The following ATRX variants were observed in gnomAD, a reference collection of about 807,000 sequenced individuals.
ATRX encodes the protein ATRX chromatin remodeler, also known as chromatin remodeler ATRX.
In ATRX, 12 loss-of-function variants were observed where a neutral mutation model predicts 172.6. That is an observed-to-expected ratio of 0.07 (90% CI 0.04 to 0.11). ATRX has a LOEUF of 0.11. ATRX is among the 10% of genes least tolerant of loss of function. The pLI, the probability that ATRX is intolerant of heterozygous loss-of-function variation, is 1.00. For missense variants in ATRX, 1,368 were observed against 1,767.4 expected, an observed-to-expected ratio of 0.77 and a Z score of 4.05; for synonymous variants, 674 against 594.7, an observed-to-expected ratio of 1.13 and a Z score of -1.94.
rs1170232589 is a variant in ATRX at position 77,651,217 on chromosome X, CAAAAAAAAAAAAA to C, written c.4557+884_4557+896del. Among the ~76,000 whole-genome samples the C allele has an allele frequency of 1.0e-3, 17 of 16,481 alleles. No individual in the cohort carries two copies. In the South Asian group the frequency reaches 0.042, roughly 40 times the overall value. 14.3% of individuals were successfully genotyped at this position (16,481 alleles called of 115,157 possible). A position where few individuals can be genotyped will look rare whatever the true frequency, so the allele number is the denominator to read the frequency against. ...GGGTGACAAGAGTGAAACTCCATCT[CAAAAAAAAAAAAA>C]AAAAAAAAAAAAAAAAAGATGAAAC... is the stretch of plus-strand genomic sequence containing the variant. On this transcript the variant is annotated intron_variant, in intron 15 of 34. Coordinates refer to ENST00000373344, the MANE Select transcript of ATRX (RefSeq NM_000489.6).
intron 15 of ATRX, among the ~76,000 whole-genome samples, chrX:77,637,380 T>G (rs1314660939): frequency 9.0e-6 from 1 of 110,952 alleles, no homozygotes; most frequent in African/African-American, 3.3e-5. Context: ...TCTCTATCCG[T>G]TACATAGTAT....
At chrX:77,644,477 A>G (rs1366443165) in intron 15 of ATRX, among the ~76,000 whole-genome samples, 1 of 112,203 alleles carries the variant, frequency 8.9e-6, no homozygotes, top group Non-Finnish European at 1.9e-5. Flanking sequence ...ATGCAATTTT[A>G]AAAAATCACA....
intron 28 of ATRX, among the ~76,000 whole-genome samples, chrX:77,564,873 G>A (rs1569523944): frequency 9.0e-6 from 1 of 111,604 alleles, no homozygotes; most frequent in East Asian, 2.8e-4. Context: ...AAAAAATGCA[G>A]CTGAATCCTC....
chrX:77,656,164 G>C (rs948905326), intron 13 of ATRX, among the ~76,000 whole-genome samples: 61 of 111,620 alleles, frequency 5.5e-4, no homozygotes, highest in African/African-American at 2.0e-3. Flanking sequence ...ACAATAGTCA[G>C]TCAAGTATAT....
chrX:77,514,633 T>G (rs2062990859), intron 34 of ATRX, among the ~76,000 whole-genome samples: 1 of 112,299 alleles, frequency 8.9e-6, no homozygotes, highest in Admixed American at 9.4e-5. Flanking sequence ...TACTTAAATG[T>G]AAACCCGAAA....
intron 1 of ATRX, among the ~76,000 whole-genome samples, chrX:77,759,379 A>G (rs2075634022): frequency 9.0e-6 from 1 of 110,829 alleles, no homozygotes; most frequent in Non-Finnish European, 1.9e-5. Context: ...AACAACAACT[A>G]TCCACCAGTA....
chrX:77,657,075 G>C (rs1345597649), intron 12 of ATRX, among the ~76,000 whole-genome samples: 1 of 111,631 alleles, frequency 9.0e-6, no homozygotes, highest in Non-Finnish European at 1.9e-5. Context: ...AACTCGGAAA[G>C]GGAAACAATA....
intron 34 of ATRX, among the ~76,000 whole-genome samples, chrX:77,512,071 G>A (rs2062888408): frequency 8.9e-6 from 1 of 111,763 alleles, no homozygotes; most frequent in South Asian, 3.7e-4. Flanking sequence ...TATACTAAAT[G>A]CAGCAAGAGA....
chrX:77,583,397 G>A (rs1557075144), intron 27 of ATRX, among the ~76,000 whole-genome samples: 1 of 110,664 alleles, frequency 9.0e-6, no homozygotes, highest in Non-Finnish European at 1.9e-5. Context: ...GGTGGCACAC[G>A]CCTGTAATCC....
intron 30 of ATRX, among the ~76,000 whole-genome samples, chrX:77,551,487 A>G (rs1246467238): frequency 8.9e-6 from 1 of 112,354 alleles, no homozygotes; most frequent in African/African-American, 3.2e-5. Flanking sequence ...TTAAAGACTT[A>G]AATGGTAGAC....
chrX:77,649,327 T>A (rs781788776), intron 15 of ATRX, among the ~76,000 whole-genome samples: 1 of 111,329 alleles, frequency 9.0e-6, no homozygotes, highest in African/African-American at 3.3e-5. Flanking sequence ...CTCCAACAGA[T>A]GCAATGAAAA....
At chrX:77,542,658 A>G (rs2064057510) in intron 30 of ATRX, among the ~76,000 whole-genome samples, 1 of 111,673 alleles carries the variant, frequency 9.0e-6, no homozygotes, top group Admixed American at 9.5e-5. Context: ...CTCAGAAATA[A>G]CACCACACAT....
intron 30 of ATRX, among the ~76,000 whole-genome samples, chrX:77,536,704 A>C (rs868917297): frequency 1.7e-4 from 19 of 112,374 alleles, no homozygotes; most frequent in African/African-American, 5.8e-4. Flanking sequence ...ACAATGGATA[A>C]TTTCATGAGC....
At chrX:77,628,150 CA>C (rs2067956216) in intron 19 of ATRX, among the ~76,000 whole-genome samples, 1 of 112,309 alleles carries the variant, frequency 8.9e-6, no homozygotes, top group African/African-American at 3.2e-5. Context: ...TAAGATGGTT[CA>C]ATACACTATG....
chrX:77,684,854 T>C, intron 8 of ATRX, 85 bp downstream of exon 8: 2 of 914,442 alleles, frequency 2.2e-6, no homozygotes, highest in Non-Finnish European at 3.2e-6. Flanking sequence ...GACGATACTA[T>C]GAAAGACAAA....
At chrX:77,610,204 G>C (rs1457107053) in intron 22 of ATRX, among the ~76,000 whole-genome samples, 2 of 111,609 alleles carry the variant, frequency 1.8e-5, no homozygotes, top group Non-Finnish European at 3.8e-5. Flanking sequence ...CCCCTTCCAT[G>C]ACACTGTGGC....
intron 10 of ATRX, 87 bp downstream of exon 10, chrX:77,676,139 A>G (rs2070852541): frequency 2.2e-6 from 2 of 921,649 alleles, no homozygotes; most frequent in Admixed American, 2.3e-5. Flanking sequence ...GGTTTTTACA[A>G]CCTGCTTGCT....
intron 30 of ATRX, among the ~76,000 whole-genome samples, chrX:77,553,741 A>G (rs920374892): frequency 1.3e-4 from 14 of 111,978 alleles, no homozygotes; most frequent in African/African-American, 4.5e-4. Context: ...TCTACTTTCA[A>G]CATCTGTTCA....
At chrX:77,769,030 A>G (rs537527180) in intron 1 of ATRX, among the ~76,000 whole-genome samples, 55 of 111,033 alleles carry the variant, frequency 5.0e-4, no homozygotes, top group South Asian at 3.0e-3. Context: ...GAGGATCAAC[A>G]GACAAAAATG....
Sources: gnomAD v4.1 joint callset for allele counts (sites outside exome capture counted in the v4.1 genomes callset) on GRCh38, gnomAD v4.1.1 for gene constraint, MANE v1.5 for transcripts, NCBI Gene and HGNC (gene_info 2026-07-23, HGNC 2026-07-21) for gene names.